Variants in FRMD4B observed in about 807,000 individuals in gnomAD.
FRMD4B encodes FERM domain containing 4B.
FRMD4B carries 74 observed loss-of-function variants against 141.5 expected under a neutral mutation model. The ratio of observed to expected loss-of-function variants is 0.52; its 90% CI spans 0.43 to 0.63. FRMD4B has a LOEUF of 0.63. FRMD4B is among the 30% of genes least tolerant of loss of function. The pLI is 0.00. For missense variants in FRMD4B, 1,366 were observed against 1,253.4 expected, an observed-to-expected ratio of 1.09 and a Z score of -1.36; for synonymous variants, 506 against 467.9, an observed-to-expected ratio of 1.08 and a Z score of -1.05.
intron 1 of FRMD4B, among the ~76,000 whole-genome samples, chr3:69,362,290 A>G (rs190201850): frequency 6.8e-4 from 103 of 152,310 alleles, no homozygotes; most frequent in African/African-American, 2.3e-3. Context: ...ACATGAAATC[A>G]CAGCCAGGAA....
intron 11 of FRMD4B, among the ~76,000 whole-genome samples, chr3:69,210,094 G>A (rs1259120197): frequency 1.3e-5 from 2 of 152,104 alleles, no homozygotes. Flanking sequence ...GAAACAGAAA[G>A]CTAAGAGACT....
At chr3:69,416,772 G>C (rs1289325886) in intron 2 of FRMD4B, among the ~76,000 whole-genome samples, 34 of 152,092 alleles carry the variant, frequency 2.2e-4, no homozygotes, top group Non-Finnish European at 1.3e-4. Context: ...TCATTGTTCA[G>C]CTCCTACTTA....
intron 3 of FRMD4B, among the ~76,000 whole-genome samples, chr3:69,311,048 T>C (rs1286276966): frequency 6.6e-6 from 1 of 152,234 alleles, no homozygotes; most frequent in African/African-American, 2.4e-5. Context: ...CTAAAACATT[T>C]AGAACAATAT....
chr3:69,316,298 G>A (rs901934276), intron 1 of FRMD4B, among the ~76,000 whole-genome samples: 1 of 152,144 alleles, frequency 6.6e-6, no homozygotes. Flanking sequence ...GTGGCAAGGG[G>A]AAACAGAGCA....
Position 69,224,748 on chromosome 3 carries a change from C to T in FRMD4B, c.582-58G>A, listed in dbSNP as rs148788101. The T allele has an allele frequency of 1.4e-3, 1,090 of 800,052 alleles. 6 individuals are homozygous for T. In the African/African-American group the frequency reaches 0.016, roughly 12 times the overall value. 49.6% of individuals were successfully genotyped at this position (800,052 alleles called of 1,614,324 possible). On this transcript the variant is annotated intron_variant, in intron 7 of 22. Transcript: ENST00000398540. ...ACTGTTATCCAAAAAATTATGCAAG[C>T]CGGTCACCAAATGAATTAGATTAAA...
chr3:69,175,601 GA>G (rs1297542969), intron 22 of FRMD4B, among the ~76,000 whole-genome samples: 1 of 152,084 alleles, frequency 6.6e-6, no homozygotes, highest in Non-Finnish European at 1.5e-5. Context: ...TCCTGGAGTA[GA>G]GAGATTTTTC....
intron 2 of FRMD4B, among the ~76,000 whole-genome samples, chr3:69,408,555 C>T (rs1431844404): frequency 3.3e-5 from 5 of 152,152 alleles, no homozygotes; most frequent in East Asian, 3.9e-4. Context: ...TGGAGCAGAA[C>T]GTGGGACCTG....
intron 1 of FRMD4B, among the ~76,000 whole-genome samples, chr3:69,450,529 G>T (rs1166416097): frequency 6.6e-6 from 1 of 152,346 alleles, no homozygotes; most frequent in Non-Finnish European, 1.5e-5. Flanking sequence ...AAGGCAGGCA[G>T]ATCACCTGAG....
intron 1 of FRMD4B, among the ~76,000 whole-genome samples, chr3:69,478,660 G>A (rs1305249255): frequency 2.0e-5 from 3 of 152,120 alleles, no homozygotes; most frequent in Non-Finnish European, 4.4e-5. Context: ...GTGGTGTGGT[G>A]CTGAAAAAAG....
At chr3:69,311,105 A>G (rs1701571200) in intron 3 of FRMD4B, among the ~76,000 whole-genome samples, 158 bp downstream of exon 3, 1 of 152,196 alleles carries the variant, frequency 6.6e-6, no homozygotes, top group Non-Finnish European at 1.5e-5. Context: ...TCCCTTTGCC[A>G]TAATCCTAGG....
At chr3:69,277,249 T>C (rs1575683912) in intron 5 of FRMD4B, among the ~76,000 whole-genome samples, 1 of 152,144 alleles carries the variant, frequency 6.6e-6, no homozygotes, top group African/African-American at 2.4e-5. Context: ...ACAGAGCCAT[T>C]TTCTTCTCCA....
intron 1 of FRMD4B, among the ~76,000 whole-genome samples, chr3:69,449,415 T>C (rs1212356158): frequency 6.6e-6 from 1 of 152,270 alleles, no homozygotes; most frequent in Non-Finnish European, 1.5e-5. Flanking sequence ...AAGCTACAAG[T>C]ATTTTGTGCC....
intron 5 of FRMD4B, among the ~76,000 whole-genome samples, chr3:69,261,611 G>T (rs568018345): frequency 6.6e-6 from 1 of 152,164 alleles, no homozygotes; most frequent in African/African-American, 2.4e-5. Context: ...TTCATACGTG[G>T]CTGGTGGACT....
At chr3:69,261,806 T>C (rs111441577) in intron 5 of FRMD4B, among the ~76,000 whole-genome samples, 5,323 of 151,400 alleles carry the variant, frequency 0.035, 152 homozygotes, top group East Asian at 0.1. Context: ...CTGAATAGCT[T>C]GGAATACAGG....
At chr3:69,213,492 T>C (rs754946686) in intron 11 of FRMD4B, among the ~76,000 whole-genome samples, 1 of 152,030 alleles carries the variant, frequency 6.6e-6, no homozygotes, top group Non-Finnish European at 1.5e-5. Context: ...AATTTTGAAA[T>C]ATAAGCAGGA....
upstream of FRMD4B, among the ~76,000 whole-genome samples, chr3:69,388,307 G>C (rs17043802): frequency 6.6e-6 from 1 of 152,054 alleles, no homozygotes; most frequent in Admixed American, 6.5e-5. Context: ...GGTTTCCAAA[G>C]TCAGGGCAAT....
intron 19 of FRMD4B, among the ~76,000 whole-genome samples, chr3:69,185,618 G>C (rs559957236): frequency 1.3e-5 from 2 of 152,132 alleles, no homozygotes; most frequent in African/African-American, 2.4e-5. Flanking sequence ...AGTTATTCAT[G>C]GTCCCTGGCC....
chr3:69,203,881 T>C (rs1025641790), intron 11 of FRMD4B, among the ~76,000 whole-genome samples: 2 of 152,206 alleles, frequency 1.3e-5, no homozygotes, highest in African/African-American at 4.8e-5. Flanking sequence ...CAAAAACTGC[T>C]CTCTGGATCC....
rs1485044270 is a variant in FRMD4B at position 69,176,608 on chromosome 3, C to T, written c.2900G>A (p.Gly967Glu). 5.6e-6 allele frequency: 9 copies of T among 1,605,978 alleles called. No homozygotes were observed. The highest frequency in any genetic ancestry group is 7.7e-6 in the Non-Finnish European group (9 of 1,172,770). ...SGNWRTQLTIGLSDYETPAHS... is the reference protein window; with the variant it reads ...SGNWRTQLTIELSDYETPAHS... ...TGCTGGAGTCTCGTAATCCGACAGC[C>T]CTATGGTTAACTGGGTCCTCCAGTT... The change falls in exon 22 of 23, where the codon GGG becomes GAG. Residue 967 changes from glycine (G) to glutamate (E), a missense_variant. Physicochemically the swap from Gly to Glu is moderately conservative, Grantham distance 98. Transcript: ENST00000398540.
Sources: gnomAD v4.1 joint callset for allele counts (sites outside exome capture counted in the v4.1 genomes callset) on GRCh38, gnomAD v4.1.1 for gene constraint, MANE v1.5 for transcripts, NCBI Gene and HGNC (gene_info 2026-07-23, HGNC 2026-07-21) for gene names.